Variants in CRY2 observed in about 807,000 individuals in gnomAD.
CRY2 encodes the protein cryptochrome circadian regulator 2, also known as cryptochrome-2.
A neutral mutation model predicts 69.5 loss-of-function variants in CRY2; 31 were observed. That is an observed-to-expected ratio of 0.45 (90% CI 0.34 to 0.60). The LOEUF (loss-of-function observed/expected upper bound fraction) is 0.60, where lower values mean the gene tolerates loss of function less well. Ranked by LOEUF, CRY2 falls within the 20% of genes least tolerant of loss-of-function variation. The probability of loss-of-function intolerance (pLI) is 0.02; values close to 1 mark genes in which losing one functional copy is unlikely to be tolerated. For missense variants in CRY2, 606 were observed against 797.8 expected (o/e 0.76, Z 2.90); for synonymous variants, 303 against 312.2 (o/e 0.97, Z 0.31).
intron 1 of CRY2, among the ~76,000 whole-genome samples, chr11:45,854,202 GATAGC>G (rs1189685817): frequency 6.6e-6 from 1 of 152,242 alleles, no homozygotes; most frequent in Non-Finnish European, 1.5e-5. Context: ...CCAAGGGGTA[GATAGC>G]AGGTGCCTCA....
rs2134642429 is a variant in CRY2, at chr11:45,867,892, C to T, written c.882+140C>T. On this transcript the variant is annotated intron_variant, in intron 6 of 11. Transcript: ENST00000616080. ...AAGGGCCTAAGTGTGTGCAGATAGT[C>T]CGGAGGAGGAGAGAAGACTCAATAT... 2.7e-6 allele frequency: 3 copies of T among 1,099,420 alleles called. No individual in the cohort carries two copies. The East Asian group carries it at 7.6e-5, about 28-fold the overall frequency. 68.1% of individuals were successfully genotyped at this position (1,099,420 alleles called of 1,614,324 possible). A position where few individuals can be genotyped will look rare whatever the true frequency, so the allele number is the denominator to read the frequency against.
chr11:45,860,720 AT>A, intron 3 of CRY2, 127 bp from the exon 4 acceptor site: 1 of 988,746 alleles, frequency 1.0e-6, no homozygotes. Context: ...CCACTCAGGC[AT>A]GGGACCTGTG....
chr11:45,869,784 G>A lies in CRY2; in HGVS notation c.1161G>A (p.Gly387=), dbSNP rs757008551. 6.2e-7 allele frequency: 1 copy of A among 1,611,936 alleles called. No individual in the cohort carries two copies. Among genetic ancestry groups the A allele is most frequent in the Non-Finnish European group, 8.5e-7 (1 of 1,178,460 alleles). The change falls in exon 7 of 12, where the codon GGG becomes GGA. Residue 387 remains glycine, a synonymous_variant. Coordinates refer to ENST00000616080, the MANE Select transcript of CRY2 (RefSeq NM_021117.5). ...CCGTGGCCTGCTTCCTGACCCGCGGGGACCTCTGGGTCAGCTGGGAGAGCG... is the reference window on the plus strand; with the variant it reads ...CCGTGGCCTGCTTCCTGACCCGCGGAGACCTCTGGGTCAGCTGGGAGAGCG... ...RHAVACFLTR[G]DLWVSWESGV...
At chr11:45,850,235 A>G (rs1363833840) in intron 1 of CRY2, among the ~76,000 whole-genome samples, 3 of 151,788 alleles carry the variant, frequency 2.0e-5, no homozygotes, top group East Asian at 2.0e-4. Context: ...TCTTGAACTC[A>G]TGGGCTTAAG....
intron 5 of CRY2, among the ~76,000 whole-genome samples, chr11:45,866,219 G>T (rs1293685154): frequency 6.6e-6 from 1 of 152,202 alleles, no homozygotes; most frequent in African/African-American, 2.4e-5. Flanking sequence ...GCCAAGTAGA[G>T]GTTTCTAGCA....
At chr11:45,848,988 A>T (rs1346594185) in intron 1 of CRY2, among the ~76,000 whole-genome samples, 1 of 152,178 alleles carries the variant, frequency 6.6e-6, no homozygotes. Flanking sequence ...TTTGACAAGC[A>T]TCATCAAATG....
rs1188337573 is a variant in CRY2 at position 45,882,282 on chromosome 11, G to A, written c.*1371G>A. 3 of 217,162 alleles carry A rather than the reference G, an allele frequency of 1.4e-5. No homozygotes were observed. The highest frequency in any genetic ancestry group is 1.9e-4 in the South Asian group (1 of 5,336). The allele number at this position is 217,162 out of a possible 1,614,324, so 13.5% of individuals were successfully genotyped here. A position where few individuals can be genotyped will look rare whatever the true frequency, so the allele number is the denominator to read the frequency against. ...CCACAAAGTGTGTGTGTGTGTGTGC[G>A]TGTGTGGTACGTGTGTGTGTGTGTG... On this transcript the variant is annotated 3_prime_UTR_variant, in exon 12 of 12. Coordinates refer to ENST00000616080, the MANE Select transcript of CRY2 (RefSeq NM_021117.5).
chr11:45,854,708 A>T (rs1161233783), intron 1 of CRY2, among the ~76,000 whole-genome samples: 2 of 152,122 alleles, frequency 1.3e-5, no homozygotes, highest in South Asian at 2.1e-4. Flanking sequence ...ATAAATAAAT[A>T]AAAAAGGGCA....
intron 4 of CRY2, 169 bp from the exon 5 acceptor site, chr11:45,861,891 G>A: frequency 1.6e-6 from 1 of 617,466 alleles, no homozygotes; most frequent in South Asian, 1.9e-5. Flanking sequence ...ACTGTGGGAA[G>A]AGAACCAAGT....
At chr11:45,853,034 C>G (rs531510101) in intron 1 of CRY2, among the ~76,000 whole-genome samples, 3 of 152,330 alleles carry the variant, frequency 2.0e-5, no homozygotes, top group East Asian at 3.9e-4. Context: ...CCTCAGTGCT[C>G]TGTTTGTTGA....
chr11:45,851,382 A>T (rs907767169), intron 1 of CRY2, among the ~76,000 whole-genome samples: 2 of 152,230 alleles, frequency 1.3e-5, no homozygotes, highest in African/African-American at 4.8e-5. Flanking sequence ...TAAATGAGGT[A>T]AACTGGGAAC....
At chr11:45,851,417 A>G (rs1423350868) in intron 1 of CRY2, among the ~76,000 whole-genome samples, 2 of 152,208 alleles carry the variant, frequency 1.3e-5, no homozygotes, top group South Asian at 4.1e-4. Context: ...CATGAGAACA[A>G]GTGTGTCTCT....
At chr11:45,880,115 C>T (rs548813690) in intron 11 of CRY2, among the ~76,000 whole-genome samples, 8 of 152,310 alleles carry the variant, frequency 5.3e-5, no homozygotes, top group African/African-American at 1.9e-4. Context: ...AGCCACAGCA[C>T]AAGTGTATAG....
chr11:45,847,846 A>T, intron 1 of CRY2, 141 bp downstream of exon 1: 1 of 1,227,572 alleles, frequency 8.1e-7, no homozygotes, highest in Non-Finnish European at 1.1e-6. Flanking sequence ...GTAATTCGTC[A>T]TGGTCCTAAC....
Position 45,847,707 on chromosome 11 carries a change from T to TGAGGGGACCCGGGGCTGGGTG in CRY2, c.215+4_215+24dup, listed in dbSNP as rs1463369267. The TGAGGGGACCCGGGGCTGGGTG allele has an allele frequency of 1.3e-6, 2 of 1,559,414 alleles. No homozygotes were observed. Among genetic ancestry groups the TGAGGGGACCCGGGGCTGGGTG allele is most frequent in the African/African-American group, 2.7e-5 (2 of 73,464 alleles). ...CTCAGTCGGGATCAACCGATGGAGGTGAGGGGACCCGGGGCTGGGTGGCGG... is the reference window on the plus strand; with the variant it reads ...CTCAGTCGGGATCAACCGATGGAGGTGAGGGGACCCGGGGCTGGGTGGAGGGGACCCGGGGCTGGGTGGCGG... On this transcript the variant is annotated splice_region_variant and intron_variant, in intron 1 of 11. Transcript: ENST00000616080.
At chr11:45,856,116 AC>A (rs1281479674) in intron 2 of CRY2, 26 bp downstream of exon 2, 2 of 1,562,516 alleles carry the variant, frequency 1.3e-6, no homozygotes, top group South Asian at 2.2e-5. Flanking sequence ...CCCAGAGAAG[AC>A]AGTGAGATTC....
chr11:45,855,772 G>A (rs1420648109), intron 1 of CRY2, among the ~76,000 whole-genome samples: 2 of 152,216 alleles, frequency 1.3e-5, no homozygotes, highest in Non-Finnish European at 2.9e-5. Flanking sequence ...AAGTCACACA[G>A]CTAGTAAGTG....
chr11:45,854,661 C>A (rs1186342757), intron 1 of CRY2, among the ~76,000 whole-genome samples: 1 of 152,094 alleles, frequency 6.6e-6, no homozygotes, highest in Non-Finnish European at 1.5e-5. Flanking sequence ...TGCACTCCAG[C>A]CTGGGCGACA....
At chr11:45,858,603 A>T in intron 2 of CRY2, 128 bp from the exon 3 acceptor site, 1 of 1,026,502 alleles carries the variant, frequency 9.7e-7, no homozygotes, top group Non-Finnish European at 1.4e-6. Context: ...CCCTGTTCCT[A>T]GTTTTTTCTG....
Sources: allele counts gnomAD v4.1 joint callset (sites outside exome capture counted in the v4.1 genomes callset), GRCh38; gene constraint gnomAD v4.1.1; transcripts MANE v1.5; gene names NCBI Gene and HGNC (gene_info 2026-07-23, HGNC 2026-07-21).